Variants in ARHGAP17 observed in about 807,000 individuals in gnomAD.
ARHGAP17 encodes the protein rho GTPase-activating protein 17.
In ARHGAP17, 57 loss-of-function variants were observed where a neutral mutation model predicts 99.5. The observed-to-expected ratio is 0.57, with a 90% CI of 0.46 to 0.71. The LOEUF (loss-of-function observed/expected upper bound fraction) is 0.71, where lower values mean the gene tolerates loss of function less well. Ranked by LOEUF, ARHGAP17 falls within the 30% of genes least tolerant of loss-of-function variation. The pLI is 0.00. For missense variants in ARHGAP17, 1,000 were observed against 1,122.4 expected, an observed-to-expected ratio of 0.89 and a Z score of 1.56; for synonymous variants, 417 against 429.6, an observed-to-expected ratio of 0.97 and a Z score of 0.36.
intron 14 of ARHGAP17, among the ~76,000 whole-genome samples, chr16:24,946,399 G>T (rs1043746524): frequency 6.6e-6 from 1 of 151,638 alleles, no homozygotes; most frequent in Non-Finnish European, 1.5e-5. Flanking sequence ...GGTCCTGGCT[G>T]TACGAAACTG....
chr16:24,952,024 A>G lies in ARHGAP17; in HGVS notation c.1046+265T>C, dbSNP rs1408337194. Reference sequence around the variant, plus strand: ...ACATAAAGGGGGCTGGAAATTTGCAAATCCATTAATGTGGGTACCACTCTA... The same window carrying G: ...ACATAAAGGGGGCTGGAAATTTGCAGATCCATTAATGTGGGTACCACTCTA... On this transcript the variant is annotated intron_variant, in intron 12 of 19. Transcript: ENST00000289968. Among the ~76,000 whole-genome samples the G allele has an allele frequency of 2.0e-5, 3 of 152,158 alleles. No homozygotes were observed. The East Asian group carries it at 5.8e-4, about 29-fold the overall frequency.
At chr16:24,980,068 G>C (rs921812236) in intron 1 of ARHGAP17, among the ~76,000 whole-genome samples, 2 of 152,204 alleles carry the variant, frequency 1.3e-5, no homozygotes, top group African/African-American at 4.8e-5. Flanking sequence ...ACAGTGAAGG[G>C]AGTCAGGGGA....
chr16:24,949,264 G>C (rs1174268835), intron 13 of ARHGAP17, 140 bp downstream of exon 13: 43 of 579,618 alleles, frequency 7.4e-5, no homozygotes, highest in Non-Finnish European at 1.8e-5. Context: ...GTAGCCCCAA[G>C]TTACTCTCCA....
intron 1 of ARHGAP17, among the ~76,000 whole-genome samples, chr16:24,998,460 A>T (rs1216708471): frequency 2.0e-5 from 3 of 151,014 alleles, no homozygotes; most frequent in African/African-American, 5.0e-5. Flanking sequence ...CCACGGGTCA[A>T]CCTGGGCCTC....
At chr16:24,986,196 C>A (rs533773069) in intron 1 of ARHGAP17, among the ~76,000 whole-genome samples, 2 of 152,290 alleles carry the variant, frequency 1.3e-5, no homozygotes, top group Admixed American at 6.5e-5. Context: ...ACTGGGCTGG[C>A]ACTTACATCT....
chr16:24,992,717 T>C (rs11862607), intron 1 of ARHGAP17, among the ~76,000 whole-genome samples: 7,628 of 152,274 alleles, frequency 0.05, 531 homozygotes, highest in African/African-American at 0.16. Context: ...GAAAAATTCA[T>C]AAATACAGTA....
At chr16:24,952,169 ATTAT>A (rs1342968848) in intron 12 of ARHGAP17, 116 bp downstream of exon 12, 1 of 662,112 alleles carries the variant, frequency 1.5e-6, no homozygotes, top group African/African-American at 1.9e-5. Flanking sequence ...TGAGACATGT[ATTAT>A]TTAACAAATA....
At position 24,935,843 on chromosome 16, in the gene ARHGAP17, A is replaced by AT. The variant is rs113859127; in HGVS notation, c.1725-205dup. 2,114 of 543,182 alleles carry AT rather than the reference A, an allele frequency of 3.9e-3. 1 individual carries two copies. The highest frequency in any genetic ancestry group is 5.4e-3 in the East Asian group (156 of 28,994). 33.6% of individuals were successfully genotyped at this position (543,182 alleles called of 1,614,324 possible). On this transcript the variant is annotated intron_variant, in intron 17 of 19. Transcript: ENST00000289968. ...AAAGAGCTAATGTTTACTTGGTGCC[A>AT]TTTTTTTTTTAAGAGATGAGGTCTT...
intron 19 of ARHGAP17, among the ~76,000 whole-genome samples, chr16:24,923,623 T>C (rs1305679366): frequency 2.0e-5 from 3 of 151,552 alleles, no homozygotes; most frequent in Admixed American, 1.3e-4. Flanking sequence ...TCCAGCTACT[T>C]GGGAGATTCG....
In ARHGAP17 at chr16:24,992,585, C is replaced by G. The variant is rs568006050; in HGVS notation, c.54-13580G>C. Among the ~76,000 whole-genome samples, 5 of 152,272 alleles carry G rather than the reference C, an allele frequency of 3.3e-5. No individual in the cohort carries two copies. The East Asian group carries it at 7.7e-4, about 24-fold the overall frequency. On this transcript the variant is annotated intron_variant, in intron 1 of 19. Coordinates refer to ENST00000289968, the MANE Select transcript of ARHGAP17 (RefSeq NM_001006634.3). ...TCCTGACCTCATGATCCGCCCACCT[C>G]GGCCTCCCAAAGTGTTGGGATTACA...
At chr16:24,950,563 G>A (rs985904910) in intron 12 of ARHGAP17, among the ~76,000 whole-genome samples, 10 of 152,116 alleles carry the variant, frequency 6.6e-5, no homozygotes, top group African/African-American at 1.4e-4. Context: ...GGCTGAGCGC[G>A]GTGGTTTATG....
At chr16:24,926,221 TTTC>T (rs924207521) in intron 19 of ARHGAP17, among the ~76,000 whole-genome samples, 3 of 152,164 alleles carry the variant, frequency 2.0e-5, no homozygotes, top group South Asian at 2.1e-4. Flanking sequence ...CTACAGTTGA[TTTC>T]TTATTATTTC....
chr16:24,940,802 G>T (rs1184948811), intron 16 of ARHGAP17, among the ~76,000 whole-genome samples: 1 of 152,306 alleles, frequency 6.6e-6, no homozygotes, highest in South Asian at 2.1e-4. Flanking sequence ...TTCACTTAAG[G>T]CGACTGATCT....
intron 1 of ARHGAP17, among the ~76,000 whole-genome samples, chr16:25,003,230 C>CTTTTTTTT (rs564573463): frequency 6.6e-5 from 6 of 90,700 alleles, no homozygotes; most frequent in Non-Finnish European, 1.2e-4. Context: ...AGCTTTAAAG[C>CTTTTTTTT]TTTTTTTTTT....
chr16:24,982,347 T>A (rs1261860938), intron 1 of ARHGAP17, among the ~76,000 whole-genome samples: 1 of 151,758 alleles, frequency 6.6e-6, no homozygotes, highest in Non-Finnish European at 1.5e-5. Flanking sequence ...GAGGTTGCAG[T>A]GAGCCAAGAT....
In ARHGAP17 at chr16:24,930,916, G is replaced by C; in HGVS notation, c.2383C>G (p.Pro795Ala). The change falls in exon 19 of 20, where the codon CCG becomes GCG. Residue 795 changes from proline (P) to alanine (A), a missense_variant. By Grantham distance (27) the Pro-to-Ala change is conservative. This residue lies in a region of ARHGAP17 where 528 missense variants were observed against 511.4 expected (regional missense o/e 1.03). Transcript: ENST00000289968. ...ETAQPHAGTL[P>A]RPRPVPKPRN... ...GGCTTTGGTACTGGTCTCGGTCTCG[G>C]TAAGGTTCCAGCATGTGGCTGTGCA... The C allele has an allele frequency of 6.2e-7, 1 of 1,614,004 alleles. No individual in the cohort carries two copies. The highest frequency in any genetic ancestry group is 1.1e-5 in the South Asian group (1 of 91,062).
intron 1 of ARHGAP17, among the ~76,000 whole-genome samples, chr16:24,985,548 C>T (rs1373658924): frequency 6.6e-6 from 1 of 152,204 alleles, no homozygotes; most frequent in Non-Finnish European, 1.5e-5. Context: ...ACTCTGCGAC[C>T]TCCCTCTTCC....
chr16:24,939,681 A>G, intron 16 of ARHGAP17, 84 bp from the exon 17 acceptor site: 1 of 1,408,146 alleles, frequency 7.1e-7, no homozygotes, highest in Non-Finnish European at 9.8e-7. Context: ...TGTTAAAACC[A>G]CACATGGGGA....
chr16:24,956,270 G>A (rs1346090850), intron 9 of ARHGAP17: 1 of 152,222 alleles, frequency 6.6e-6, no homozygotes, highest in Non-Finnish European at 1.5e-5. Flanking sequence ...TGGACAGAGT[G>A]TACCCCACCC....
Sources: gnomAD v4.1 joint callset for allele counts (sites outside exome capture counted in the v4.1 genomes callset) on GRCh38, gnomAD v4.1.1 for gene constraint, gnomAD v4.1.1 regional missense constraint, MANE v1.5 for transcripts, NCBI Gene and HGNC (gene_info 2026-07-23, HGNC 2026-07-21) for gene names.